Variants in NPTN observed in about 807,000 individuals in gnomAD.
The protein encoded by NPTN is SDR-1.
A neutral mutation model predicts 42.7 loss-of-function variants in NPTN; 5 were observed. The ratio of observed to expected loss-of-function variants is 0.12; its 90% confidence interval spans 0.06 to 0.25. The LOEUF is 0.25. Ranked by LOEUF, NPTN falls within the 10% of genes least tolerant of loss-of-function variation. The pLI, the probability that NPTN is intolerant of heterozygous loss-of-function variation, is 1.00. For missense variants in NPTN, 307 were observed against 525.4 expected (o/e 0.58, Z 4.06); for synonymous variants, 180 against 201.9 (o/e 0.89, Z 0.92).
At chr15:73,579,389 T>C (rs1389802438) in intron 4 of NPTN, among the ~76,000 whole-genome samples, 2 of 152,192 alleles carry the variant, frequency 1.3e-5, no homozygotes, top group Admixed American at 6.5e-5. Flanking sequence ...TATCAGCTTA[T>C]ATGTGGTACA....
At chr15:73,585,581 ATTAAACATTGAACTC>A (rs1896278223) in intron 4 of NPTN, among the ~76,000 whole-genome samples, 1 of 152,238 alleles carries the variant, frequency 6.6e-6, no homozygotes, top group Non-Finnish European at 1.5e-5. Context: ...AAGACAAGAC[ATTAAACATTGAACTC>A]TTTTCTATCC....
At position 73,573,664 on chromosome 15, in the gene NPTN, T is replaced by C. The variant is rs1368792360; in HGVS notation, c.838A>G (p.Met280Val). 1 of 1,575,932 alleles carries C rather than the reference T, an allele frequency of 6.3e-7. No homozygotes were observed. The highest frequency in any genetic ancestry group is 1.2e-5 in the South Asian group (1 of 84,820). The stretch of plus-strand genomic sequence containing the variant: ...ACCCGGGCCTGCCTCCTACTCACCA[T>C]GGGCATCCCGTTCTCCTTCTTGCGC... ...IWRKKENGMP[M>V]DIVNTSGRFF... The change falls in exon 5 of 9, where the codon ATG (methionine) becomes GTG (valine). Residue 280 changes from methionine (M) to valine (V), a missense_variant and splice_region_variant. Around this residue, in one of 2 missense-constraint regions of NPTN, gnomAD observed 264 missense variants for 491.1 expected, o/e 0.54. Coordinates refer to ENST00000345330, the MANE Select transcript of NPTN (RefSeq NM_012428.4).
At position 73,587,542 on chromosome 15, in the gene NPTN, C is replaced by T. The variant is rs1010733301; in HGVS notation, c.688G>A (p.Ala230Thr). Residue 230 changes from alanine to threonine, a missense_variant, in exon 4 of 9, where the codon GCC becomes ACC. Physicochemically the swap from Ala to Thr is moderately conservative, Grantham distance 58. Coordinates refer to ENST00000345330, the MANE Select transcript of NPTN (RefSeq NM_012428.4). ...YHFVSAPKAN[A>T]TIEVKAAPDI... Reference sequence around the variant, plus strand: ...GTTGTACCTTTCACTTCAATGGTGGCGTTTGCTTTAGGAGCGCTGACAAAG... The same window carrying T: ...GTTGTACCTTTCACTTCAATGGTGGTGTTTGCTTTAGGAGCGCTGACAAAG... 6 of 1,613,492 alleles carry T rather than the reference C, an allele frequency of 3.7e-6. No homozygotes were observed. Among genetic ancestry groups the T allele is most frequent in the African/African-American group, 2.7e-5 (2 of 74,888 alleles).
intron 1 of NPTN, among the ~76,000 whole-genome samples, chr15:73,603,720 T>A (rs970496083): frequency 2.6e-5 from 4 of 152,214 alleles, no homozygotes. Flanking sequence ...TAAATCAGGC[T>A]GCTTAACAAT....
chr15:73,583,603 G>A (rs1369518143), intron 4 of NPTN, among the ~76,000 whole-genome samples: 1 of 152,200 alleles, frequency 6.6e-6, no homozygotes, highest in Non-Finnish European at 1.5e-5. Flanking sequence ...GGAAAAGAAA[G>A]TGCAGGTGTG....
At chr15:73,632,934 A>G (rs1207719155) in intron 1 of NPTN, 191 bp downstream of exon 1, 4 of 427,466 alleles carry the variant, frequency 9.4e-6, no homozygotes, top group Middle Eastern at 6.1e-4. Flanking sequence ...CCGCTCGGAT[A>G]GGAGCCTCCG....
chr15:73,611,868 C>G (rs1475439861), intron 1 of NPTN, among the ~76,000 whole-genome samples: 3 of 152,112 alleles, frequency 2.0e-5, no homozygotes, highest in Admixed American at 6.5e-5. Context: ...CATGGGAACT[C>G]TCTGTACTTC....
chr15:73,583,387 C>A (rs1411401985), intron 4 of NPTN, among the ~76,000 whole-genome samples: 1 of 152,148 alleles, frequency 6.6e-6, no homozygotes, highest in African/African-American at 2.4e-5. Context: ...CTCTGTGACA[C>A]TGGGCCAGTT....
chr15:73,563,922 G>A (rs1894834069), intron 6 of NPTN, among the ~76,000 whole-genome samples: 1 of 152,190 alleles, frequency 6.6e-6, no homozygotes, highest in African/African-American at 2.4e-5. Context: ...GAACAGTGGT[G>A]ACATCCCTCT....
chr15:73,623,608 G>A (rs2141474222), intron 1 of NPTN, among the ~76,000 whole-genome samples: 1 of 152,278 alleles, frequency 6.6e-6, no homozygotes, highest in South Asian at 2.1e-4. Context: ...GATCACCTGA[G>A]CCTGGAAGGT....
chr15:73,626,437 G>A lies in NPTN; in HGVS notation c.91+6688C>T, dbSNP rs180888036. Among the ~76,000 whole-genome samples, 476 of 152,294 alleles carry A rather than the reference G, an allele frequency of 3.1e-3. 1 individual carries two copies. Among genetic ancestry groups the A allele is most frequent in the Non-Finnish European group, 5.0e-3 (338 of 68,026 alleles). On this transcript the variant is annotated intron_variant, in intron 1 of 8. Coordinates refer to ENST00000345330, the MANE Select transcript of NPTN (RefSeq NM_012428.4). ...TTCTAAAAACTTTTAAACAGAAAGT[G>A]TTATCATCTCTGAGCCTTTAACCTA...
intron 4 of NPTN, among the ~76,000 whole-genome samples, chr15:73,584,709 G>C (rs1896228672): frequency 7.0e-6 from 1 of 142,594 alleles, no homozygotes; most frequent in Non-Finnish European, 1.5e-5. Context: ...GAATACCTGA[G>C]AAACGTAACC....
chr15:73,572,501 T>C (rs1216963456), intron 5 of NPTN, among the ~76,000 whole-genome samples: 1 of 152,184 alleles, frequency 6.6e-6, no homozygotes, highest in Non-Finnish European at 1.5e-5. Context: ...AGGTTCCCAA[T>C]GTCTAAGGCT....
intron 2 of NPTN, among the ~76,000 whole-genome samples, chr15:73,595,890 CAT>C (rs141197263): frequency 0.11 from 16,181 of 152,216 alleles, 1,100 homozygotes; most frequent in African/African-American, 0.19. Context: ...GTCCCGGTGT[CAT>C]ATGTCTCACG....
At chr15:73,614,490 T>C (rs760813457) in intron 1 of NPTN, among the ~76,000 whole-genome samples, 29 of 152,198 alleles carry the variant, frequency 1.9e-4, no homozygotes, top group African/African-American at 5.8e-4. Context: ...GTAGATGTAA[T>C]TGATGAATTA....
At chr15:73,610,187 A>C (rs1476466800) in intron 1 of NPTN, among the ~76,000 whole-genome samples, 7 of 152,066 alleles carry the variant, frequency 4.6e-5, no homozygotes. Flanking sequence ...CCTTGGTTCA[A>C]GCAATCCTCC....
At chr15:73,620,405 G>A (rs1484346586) in intron 1 of NPTN, among the ~76,000 whole-genome samples, 6 of 152,144 alleles carry the variant, frequency 3.9e-5, no homozygotes, top group Non-Finnish European at 7.4e-5. Context: ...TATTCTCAAT[G>A]GGGGTTGCCC....
chr15:73,580,401 T>TATATATATA (rs1895931003), intron 4 of NPTN, among the ~76,000 whole-genome samples: 1 of 106,084 alleles, frequency 9.4e-6, no homozygotes, highest in African/African-American at 4.1e-5. Context: ...ATATATATAT[T>TATATATATA]ATATATATAA....
At chr15:73,607,760 T>C (rs993639792) in intron 1 of NPTN, among the ~76,000 whole-genome samples, 60 of 152,202 alleles carry the variant, frequency 3.9e-4, no homozygotes, top group African/African-American at 1.3e-3. Flanking sequence ...TTTCCTTAGA[T>C]GACAAAATTC....
Sources: gnomAD v4.1 joint callset for allele counts (sites outside exome capture counted in the v4.1 genomes callset) on GRCh38, gnomAD v4.1.1 for gene constraint, gnomAD v4.1.1 regional missense constraint, MANE v1.5 for transcripts, NCBI Gene and HGNC (gene_info 2026-07-23, HGNC 2026-07-21) for gene names.